Variants in CAMSAP2 observed in about 807,000 individuals in gnomAD.
CAMSAP2 encodes the protein calmodulin regulated spectrin associated protein family member 2, also known as calmodulin-regulated spectrin-associated protein 2.
A neutral mutation model predicts 146.1 loss-of-function variants in CAMSAP2; 26 were observed. The ratio of observed to expected loss-of-function variants is 0.18; its 90% CI spans 0.13 to 0.25. The LOEUF (loss-of-function observed/expected upper bound fraction) is 0.25. Ranked by LOEUF, CAMSAP2 falls within the 10% of genes least tolerant of loss-of-function variation. The pLI is 1.00. For synonymous variants in CAMSAP2, 499 were observed against 596.6 expected, an observed-to-expected ratio of 0.84 and a Z score of 2.38; for missense variants, 1,381 against 1,759.3, an observed-to-expected ratio of 0.78 and a Z score of 3.85.
intron 6 of CAMSAP2, among the ~76,000 whole-genome samples, chr1:200,833,166 G>C (rs906623926): frequency 3.3e-5 from 5 of 152,166 alleles, no homozygotes; most frequent in African/African-American, 9.6e-5. Context: ...TTAGTCAAAA[G>C]AACTTTTGAA....
rs560062221 is a variant in CAMSAP2 at position 200,812,887 on chromosome 1, G to A, written c.562-2674G>A. Among the ~76,000 whole-genome samples the A allele has an allele frequency of 3.3e-5, 5 of 152,166 alleles. No homozygotes were observed. The South Asian group carries it at 6.2e-4, about 19-fold the overall frequency. ...CTATGTCATTCTGTTACTTAAACAC[G>A]CAAGTATTTTTCCTACCACAGGGCT... On this transcript the variant is annotated intron_variant, in intron 3 of 16. Coordinates refer to ENST00000358823, the MANE Select transcript of CAMSAP2 (RefSeq NM_203459.4).
intron 2 of CAMSAP2, 128 bp from the exon 3 acceptor site, chr1:200,807,248 C>T: frequency 1.6e-6 from 1 of 609,720 alleles, no homozygotes; most frequent in Non-Finnish European, 2.5e-6. Context: ...TTTATGCTTT[C>T]TTATTAAGGC....
rs1254660746 is a variant in CAMSAP2 at position 200,848,622 on chromosome 1, A to T, written c.1853A>T (p.Asp618Val). 2 of 1,614,140 alleles carry T rather than the reference A, an allele frequency of 1.2e-6. No individual in the cohort carries two copies. The highest frequency in any genetic ancestry group is 1.7e-5 in the Admixed American group (1 of 60,020). The change falls in exon 11 of 17, where the codon GAT (aspartate) becomes GTT (valine). Residue 618 changes from aspartate (D) to valine (V), a missense_variant. By Grantham distance (152) the Asp-to-Val change is radical (BLOSUM62 -3). Transcript: ENST00000358823. ...VDTGIHVPSE[D>V]IPETMDEDSS... ...ACTGGAATTCACGTTCCTTCAGAAG[A>T]TATTCCTGAAACTATGGACGAAGAT...
chr1:200,848,790 C>G lies in CAMSAP2; in HGVS notation c.2021C>G (p.Pro674Arg), dbSNP rs1340122087. 1 of 1,614,040 alleles carries G rather than the reference C, an allele frequency of 6.2e-7. No individual in the cohort carries two copies. The highest frequency in any genetic ancestry group is 1.7e-5 in the Admixed American group (1 of 59,992). ...CPSTVSTKSQ[P>R]GSSASSSSGV... ...AGTACTGTAAGTACCAAGTCTCAGC[C>G]AGGCAGCAGTGCTTCTTCTAGTTCT... The change falls in exon 11 of 17, where the codon CCA (proline) becomes CGA (arginine). Residue 674 changes from proline to arginine, a missense_variant. Physicochemically the swap from Pro to Arg is moderately radical, Grantham distance 103. Around this residue, in one of 4 missense-constraint regions of CAMSAP2, gnomAD observed 447 missense variants for 462.2 expected, o/e 0.97. Coordinates refer to ENST00000358823, the MANE Select transcript of CAMSAP2 (RefSeq NM_203459.4).
chr1:200,750,336 G>A (rs764798493), intron 1 of CAMSAP2, among the ~76,000 whole-genome samples: 2 of 152,096 alleles, frequency 1.3e-5, no homozygotes, highest in Admixed American at 6.5e-5. Context: ...TGTTCGGCTC[G>A]ATGGATTGTG....
chr1:200,801,246 G>GCACTCC (rs1666029450), intron 2 of CAMSAP2, among the ~76,000 whole-genome samples: 1 of 150,594 alleles, frequency 6.6e-6, no homozygotes, highest in Admixed American at 6.6e-5. Context: ...CCTGGAGACA[G>GCACTCC]AGCAAGACTC....
At chr1:200,756,637 G>A (rs1201299968) in intron 1 of CAMSAP2, among the ~76,000 whole-genome samples, 1 of 152,126 alleles carries the variant, frequency 6.6e-6, no homozygotes, top group East Asian at 1.9e-4. Flanking sequence ...TGCTGTCACA[G>A]AAATTAAGTG....
At chr1:200,852,455 T>G in intron 11 of CAMSAP2, 86 bp from the exon 12 acceptor site, 1 of 1,471,480 alleles carries the variant, frequency 6.8e-7, no homozygotes, top group East Asian at 2.3e-5. Context: ...GTTATAGGAC[T>G]AACCACAAAA....
intron 2 of CAMSAP2, among the ~76,000 whole-genome samples, chr1:200,796,034 T>A (rs1571763504): frequency 6.6e-6 from 1 of 152,228 alleles, no homozygotes; most frequent in African/African-American, 2.4e-5. Flanking sequence ...TGTTAAGATT[T>A]TGAAACTCTT....
At chr1:200,842,231 C>A in intron 7 of CAMSAP2, 144 bp downstream of exon 7, 1 of 619,936 alleles carries the variant, frequency 1.6e-6, no homozygotes, top group African/African-American at 1.9e-5. Context: ...ATTCTCCTAA[C>A]CTCTTAAAAT....
At chr1:200,807,937 C>T (rs551918580) in intron 3 of CAMSAP2, among the ~76,000 whole-genome samples, 2 of 151,916 alleles carry the variant, frequency 1.3e-5, no homozygotes, top group East Asian at 1.9e-4. Flanking sequence ...GACGAGTTTT[C>T]GCCATGTTGG....
At chr1:200,845,297 G>C (rs554426202) in intron 8 of CAMSAP2, among the ~76,000 whole-genome samples, 1 of 151,014 alleles carries the variant, frequency 6.6e-6, no homozygotes, top group South Asian at 2.1e-4. Context: ...AGAGATCACA[G>C]TGTTACCCAC....
chr1:200,828,654 G>C, intron 4 of CAMSAP2: 1 of 1,496,074 alleles, frequency 6.7e-7, no homozygotes, highest in Non-Finnish European at 9.1e-7. Context: ...TGTAATTGTA[G>C]AATGGTATTG....
chr1:200,787,536 A>T (rs1329505129), intron 2 of CAMSAP2, among the ~76,000 whole-genome samples: 1 of 152,232 alleles, frequency 6.6e-6, no homozygotes, highest in Non-Finnish European at 1.5e-5. Context: ...CTTCTTACAG[A>T]TGAGCAAAGT....
chr1:200,856,824 T>G (rs532162151), intron 15 of CAMSAP2, among the ~76,000 whole-genome samples: 169 of 152,314 alleles, frequency 1.1e-3, no homozygotes, highest in Admixed American at 2.2e-3. Context: ...ACTCTGTGGC[T>G]TTTAATACTA....
At chr1:200,812,509 C>G (rs1214309197) in intron 3 of CAMSAP2, among the ~76,000 whole-genome samples, 1 of 152,152 alleles carries the variant, frequency 6.6e-6, no homozygotes, top group African/African-American at 2.4e-5. Flanking sequence ...CCAGCCCCAG[C>G]ATTATTTTTT....
intron 1 of CAMSAP2, among the ~76,000 whole-genome samples, chr1:200,747,647 G>A (rs1032706362): frequency 6.7e-6 from 1 of 150,032 alleles, no homozygotes; most frequent in Non-Finnish European, 1.5e-5. Flanking sequence ...TCATTTCTCT[G>A]TGATTCTTTT....
At chr1:200,782,199 C>CAAATG (rs1172693280) in intron 2 of CAMSAP2, among the ~76,000 whole-genome samples, 9 of 152,200 alleles carry the variant, frequency 5.9e-5, no homozygotes, top group Admixed American at 2.0e-4. Flanking sequence ...TCATTTGATG[C>CAAATG]CGTGTGTGGT....
At chr1:200,744,091 A>G (rs1459349446) in intron 1 of CAMSAP2, among the ~76,000 whole-genome samples, 2 of 152,192 alleles carry the variant, frequency 1.3e-5, no homozygotes, top group Non-Finnish European at 2.9e-5. Context: ...ACTTATTCCA[A>G]TTTTACTGAT....
Sources: allele counts gnomAD v4.1 joint callset (sites outside exome capture counted in the v4.1 genomes callset), GRCh38; gene constraint gnomAD v4.1.1; regional missense constraint gnomAD v4.1.1; transcripts MANE v1.5; gene names NCBI Gene and HGNC (gene_info 2026-07-23, HGNC 2026-07-21).